TSC2: variants seen among roughly 807,000 people sequenced by gnomAD.
The protein encoded by TSC2 is tuberin.
In TSC2, 29 loss-of-function variants were observed where a neutral mutation model predicts 202.2. That is an observed-to-expected ratio of 0.14 (90% CI 0.11 to 0.20). The LOEUF (loss-of-function observed/expected upper bound fraction) is 0.20, where lower values mean the gene tolerates loss of function less well. Ranked by LOEUF, TSC2 falls within the 10% of genes least tolerant of loss-of-function variation. TSC2 has a pLI of 1.00. For synonymous variants in TSC2, 1,349 were observed against 1,044.0 expected (o/e 1.29, Z -5.63); for missense variants, 2,429 against 2,420.0 (o/e 1.00, Z -0.08).
intron 9 of TSC2, among the ~76,000 whole-genome samples, 172 bp downstream of exon 9, chr16:2,057,350 C>A (rs1464961126): frequency 6.6e-6 from 1 of 152,158 alleles, no homozygotes; most frequent in Non-Finnish European, 1.5e-5. Context: ...CAGCCCCTGT[C>A]CTCTCCTTCC....
At chr16:2,081,920 C>T in intron 31 of TSC2, 122 bp downstream of exon 31, 1 of 1,323,190 alleles carries the variant, frequency 7.6e-7, no homozygotes, top group Non-Finnish European at 1.1e-6. Flanking sequence ...CCCTGGCCTG[C>T]CTCAGCACCA....
intron 6 of TSC2, 137 bp downstream of exon 6, chr16:2,055,656 G>T: frequency 1.2e-6 from 1 of 828,704 alleles, no homozygotes; most frequent in Non-Finnish European, 2.1e-6. Flanking sequence ...ACTTTGGGAG[G>T]CCGAGGCAGG....
At position 2,088,829 on chromosome 16, in the gene TSC2, C is replaced by T. The variant is rs183689703; in HGVS notation, c.*219C>T. 29 of 633,682 alleles carry T rather than the reference C, an allele frequency of 4.6e-5. No homozygotes were observed. Among genetic ancestry groups the T allele is most frequent in the Admixed American group, 2.1e-4 (7 of 33,340 alleles). The allele number at this position is 633,682 out of a possible 1,614,324, so 39.3% of individuals were successfully genotyped here. A position where few individuals can be genotyped will look rare whatever the true frequency, so the allele number is the denominator to read the frequency against. On this transcript the variant is annotated 3_prime_UTR_variant, in exon 42 of 42. Coordinates refer to ENST00000219476, the MANE Select transcript of TSC2 (RefSeq NM_000548.5). The stretch of plus-strand genomic sequence containing the variant: ...ACACAGAAGCAGGCACAGCCAGCTC[C>T]GAGGGCCTTGAGGCTGCCTGGGCCA...
At chr16:2,064,126 C>A in intron 14 of TSC2, 146 bp from the exon 15 acceptor site, 2 of 1,317,856 alleles carry the variant, frequency 1.5e-6, no homozygotes, top group Non-Finnish European at 2.2e-6. Context: ...TCGCGCTCAG[C>A]GGGTGCTTGT....
intron 16 of TSC2, among the ~76,000 whole-genome samples, chr16:2,067,424 A>G (rs1049082696): frequency 7.9e-5 from 12 of 150,964 alleles, no homozygotes; most frequent in Admixed American, 7.9e-4. Flanking sequence ...AGCCTCCCAA[A>G]GTGCTGGGAT....
At chr16:2,060,535 C>G (rs2086494509) in intron 10 of TSC2, 135 bp from the exon 11 acceptor site, 1 of 1,481,054 alleles carries the variant, frequency 6.8e-7, no homozygotes, top group African/African-American at 1.4e-5. Context: ...CCTGCTGTTT[C>G]TGCGGCCCCT....
chr16:2,051,046 G>T (rs1259224394), intron 3 of TSC2, among the ~76,000 whole-genome samples: 1 of 152,024 alleles, frequency 6.6e-6, no homozygotes, highest in Non-Finnish European at 1.5e-5. Context: ...TATGCCGAGC[G>T]GGGGTGCGGG....
intron 18 of TSC2, 72 bp from the exon 19 acceptor site, chr16:2,071,712 G>T (rs2151301732): frequency 6.3e-7 from 1 of 1,595,514 alleles, no homozygotes; most frequent in Non-Finnish European, 8.5e-7. Context: ...ATGTCCCAGG[G>T]TTGGGAAGAG....
At chr16:2,050,236 C>T (rs1009725723) in intron 2 of TSC2, among the ~76,000 whole-genome samples, 164 bp from the exon 3 acceptor site, 1 of 152,166 alleles carries the variant, frequency 6.6e-6, no homozygotes, top group East Asian at 1.9e-4. Flanking sequence ...GGATTACAGG[C>T]CTGAGCCACC....
intron 25 of TSC2, 89 bp from the exon 26 acceptor site, chr16:2,077,509 C>T: frequency 6.3e-7 from 1 of 1,592,578 alleles, no homozygotes; most frequent in East Asian, 2.2e-5. Context: ...TGGCCTGGGA[C>T]CTTTCCTCCT....
chr16:2,084,198 A>G (rs2151519711), intron 33 of TSC2, 30 bp from the exon 34 acceptor site: 5 of 1,558,004 alleles, frequency 3.2e-6, no homozygotes, highest in Non-Finnish European at 3.5e-6. Context: ...GCCTGCTGAC[A>G]GGGGTTCTCT....
rs2085339785 is a variant in TSC2, at chr16:2,053,198, G to A, written c.226-144G>A. ...GTCATCTCAGGCTGCAGGAGACACA[G>A]GAGATACGAGCTTTGGAGGTGGGGC... is the stretch of plus-strand genomic sequence containing the variant. On this transcript the variant is annotated intron_variant, in intron 3 of 41. Coordinates refer to ENST00000219476, the MANE Select transcript of TSC2 (RefSeq NM_000548.5). The A allele has an allele frequency of 3.7e-6, 3 of 808,128 alleles. No homozygotes were observed. The East Asian group carries it at 8.1e-5, about 22-fold the overall frequency. 50.1% of individuals were successfully genotyped at this position (808,128 alleles called of 1,614,324 possible).
chr16:2,057,652 C>T (rs1268817740), intron 9 of TSC2, among the ~76,000 whole-genome samples: 4 of 152,200 alleles, frequency 2.6e-5, no homozygotes, highest in African/African-American at 9.7e-5. Flanking sequence ...ATGCAGCACC[C>T]GGGTGGCCTT....
intron 38 of TSC2, chr16:2,087,172 C>A: frequency 2.1e-6 from 1 of 466,374 alleles, no homozygotes; most frequent in Non-Finnish European, 4.0e-6. Flanking sequence ...CCCTTGGGCC[C>A]CCACCATCTC....
chr16:2,085,129 C>T, intron 35 of TSC2, 101 bp from the exon 36 acceptor site: 1 of 1,602,222 alleles, frequency 6.2e-7, no homozygotes, highest in Non-Finnish European at 8.5e-7. Flanking sequence ...GCAGAGGGCT[C>T]TGGCCTAAGC....
At chr16:2,066,957 C>T (rs534816269) in intron 16 of TSC2, among the ~76,000 whole-genome samples, 11 of 151,756 alleles carry the variant, frequency 7.2e-5, no homozygotes, top group Non-Finnish European at 1.0e-4. Flanking sequence ...CCACCACGCC[C>T]GGCCTGCCTC....
Position 2,070,519 on chromosome 16 carries a change from A to G in TSC2, c.1780A>G (p.Ile594Val), listed in dbSNP as rs1555505128. Residue 594 changes from isoleucine to valine, a missense_variant, in exon 17 of 42, where the codon ATT becomes GTT. Transcript: ENST00000219476. ...TGTGTATGAGATGCTGGTCAGCCAC[A>G]TTCAGCTCCACTACAAGCACAGCTA... is the stretch of plus-strand genomic sequence containing the variant. ...TRVYEMLVSHIQLHYKHSYTL... is the reference protein window; with the variant it reads ...TRVYEMLVSHVQLHYKHSYTL... 1 of 1,613,380 alleles carries G rather than the reference A, an allele frequency of 6.2e-7. No homozygotes were observed. Among genetic ancestry groups the G allele is most frequent in the Non-Finnish European group, 8.5e-7 (1 of 1,180,032 alleles).
intron 37 of TSC2, 145 bp downstream of exon 37, chr16:2,086,524 C>T (rs1362488983): frequency 9.3e-6 from 13 of 1,401,764 alleles, no homozygotes; most frequent in African/African-American, 2.8e-5. Flanking sequence ...AGCCTAACAG[C>T]GTGGGCATGG....
At chr16:2,060,529 C>A in intron 10 of TSC2, 141 bp from the exon 11 acceptor site, 2 of 1,428,238 alleles carry the variant, frequency 1.4e-6, no homozygotes, top group Non-Finnish European at 1.9e-6. Context: ...GCCCCACCTG[C>A]TGTTTCTGCG....
Sources: gnomAD v4.1 joint callset for allele counts (sites outside exome capture counted in the v4.1 genomes callset) on GRCh38, gnomAD v4.1.1 for gene constraint, MANE v1.5 for transcripts, NCBI Gene and HGNC (gene_info 2026-07-23, HGNC 2026-07-21) for gene names.